Variants in PPP1R1C observed in about 807,000 individuals in gnomAD.
PPP1R1C encodes protein phosphatase 1 regulatory subunit 1C.
PPP1R1C carries 15 observed loss-of-function variants against 17.4 expected under a neutral mutation model. The ratio of observed to expected loss-of-function variants is 0.86; its 90% CI spans 0.58 to 1.33. The LOEUF is 1.33. Among genes scored for constraint, PPP1R1C ranks in the 40% most tolerant of loss-of-function variants. The pLI is 0.00. For missense variants in PPP1R1C, 143 were observed against 130.0 expected, an observed-to-expected ratio of 1.10 and a Z score of -0.48; for synonymous variants, 35 against 43.1, an observed-to-expected ratio of 0.81 and a Z score of 0.73.
At chr2:182,009,900 T>G (rs560606311) in intron 2 of PPP1R1C, among the ~76,000 whole-genome samples, 7 of 152,212 alleles carry the variant, frequency 4.6e-5, no homozygotes, top group African/African-American at 1.7e-4. Context: ...TTGTTATACG[T>G]TTTTTTCACT....
At chr2:182,023,366 G>T (rs922165636) in intron 2 of PPP1R1C, among the ~76,000 whole-genome samples, 1 of 152,072 alleles carries the variant, frequency 6.6e-6, no homozygotes, top group Non-Finnish European at 1.5e-5. Context: ...TGAAATTACT[G>T]ATCTGGATGA....
intron 2 of PPP1R1C, among the ~76,000 whole-genome samples, chr2:182,043,659 G>T (rs1451482471): frequency 6.6e-6 from 1 of 150,904 alleles, no homozygotes; most frequent in African/African-American, 2.4e-5. Context: ...GACGTAAGTT[G>T]TATAGGTTAC....
rs528873273 is a variant in PPP1R1C at position 182,117,437 on chromosome 2, T to A, written c.*142T>A. ...ACTCATACAGTAGCTATGCACATCCTGGAAGTCTCCTTGACTGAACTTTAG... is the reference window on the plus strand; with the variant it reads ...ACTCATACAGTAGCTATGCACATCCAGGAAGTCTCCTTGACTGAACTTTAG... On this transcript the variant is annotated 3_prime_UTR_variant, in exon 5 of 5. Transcript: ENST00000682840. 3.4e-5 allele frequency: 20 copies of A among 595,576 alleles called. No homozygotes were observed. The South Asian group carries it at 5.0e-4, about 15-fold the overall frequency. The allele number at this position is 595,576 out of a possible 1,614,324, so 36.9% of individuals were successfully genotyped here. A position where few individuals can be genotyped will look rare whatever the true frequency, so the allele number is the denominator to read the frequency against.
rs1284646189 is a variant in PPP1R1C at position 181,957,410 on chromosome 2, C to A, written n.111+2776C>A. On this transcript the variant is annotated intron_variant and non_coding_transcript_variant, in intron 1 of 5. Coordinates refer to the PPP1R1C transcript ENST00000464264. The surrounding 1 kb of genome is among the most constrained non-coding windows in gnomAD (Gnocchi z 4.2). ...TCTTATCAAGCAAGCCCTTGAAATT[C>A]CACTCAATTCATGAAGCCATCTCAG... Among the ~76,000 whole-genome samples the A allele has an allele frequency of 1.3e-5, 2 of 152,076 alleles. No homozygotes were observed. Among genetic ancestry groups the A allele is most frequent in the African/African-American group, 4.8e-5 (2 of 41,396 alleles).
intron 4 of PPP1R1C, among the ~76,000 whole-genome samples, chr2:182,107,615 A>T (rs1330964617): frequency 6.6e-6 from 1 of 152,044 alleles, no homozygotes; most frequent in Non-Finnish European, 1.5e-5. Context: ...CTTATTTTGA[A>T]CTCATGACTA....
chr2:182,012,478 T>A (rs1043280168), intron 2 of PPP1R1C, among the ~76,000 whole-genome samples: 1 of 152,076 alleles, frequency 6.6e-6, no homozygotes, highest in African/African-American at 2.4e-5. Context: ...TTGATCCCTT[T>A]ATGTTCAGTC....
chr2:181,979,863 T>A (rs1430842735), intron 2 of PPP1R1C, among the ~76,000 whole-genome samples: 1 of 152,210 alleles, frequency 6.6e-6, no homozygotes, highest in Non-Finnish European at 1.5e-5. Context: ...AAGCTGAATA[T>A]CTTTATTTTT....
chr2:182,072,426 C>T (rs1688166333), intron 4 of PPP1R1C, among the ~76,000 whole-genome samples: 1 of 152,218 alleles, frequency 6.6e-6, no homozygotes, highest in Non-Finnish European at 1.5e-5. Context: ...AGTGCTTCAA[C>T]ATATACAATG....
At chr2:181,978,444 C>T (rs1685136625) in intron 2 of PPP1R1C, among the ~76,000 whole-genome samples, 1 of 152,188 alleles carries the variant, frequency 6.6e-6, no homozygotes, top group Non-Finnish European at 1.5e-5. Context: ...CTGGAGATGA[C>T]TTGAATAGCT....
chr2:182,091,625 A>G (rs1041273746), intron 4 of PPP1R1C, among the ~76,000 whole-genome samples: 1 of 152,310 alleles, frequency 6.6e-6, no homozygotes, highest in Admixed American at 6.5e-5. Flanking sequence ...TAGAGAGGAT[A>G]CAAAGAAGTT....
intron 2 of PPP1R1C, among the ~76,000 whole-genome samples, chr2:182,018,477 C>A (rs1035452037): frequency 6.6e-6 from 1 of 152,138 alleles, no homozygotes; most frequent in Non-Finnish European, 1.5e-5. Context: ...ACATTCCAGG[C>A]ATAGCTTGTG....
At chr2:181,980,471 C>A (rs988590758) in intron 2 of PPP1R1C, among the ~76,000 whole-genome samples, 23 of 152,194 alleles carry the variant, frequency 1.5e-4, no homozygotes, top group Non-Finnish European at 2.9e-4. Flanking sequence ...ACTGTCCACA[C>A]TGGGCTGTGA....
At position 182,117,724 on chromosome 2, in the gene PPP1R1C, A is replaced by G. The variant is rs1306247577; in HGVS notation, c.*429A>G. ...GTGTGTGTGTGTGTGGGTTTAGCTT[A>G]AAGAGAAATATCTAATAAAGCTTTT... On this transcript the variant is annotated 3_prime_UTR_variant, in exon 5 of 5. Transcript: ENST00000682840. 1 of 153,618 alleles carries G rather than the reference A, an allele frequency of 6.5e-6. No homozygotes were observed. The highest frequency in any genetic ancestry group is 1.4e-5 in the Non-Finnish European group (1 of 69,174). 9.5% of individuals were successfully genotyped at this position (153,618 alleles called of 1,614,324 possible).
In PPP1R1C at chr2:182,025,030, C is replaced by T. The variant is rs373544055; in HGVS notation, c.143-36412C>T. 3.3e-4 allele frequency among the ~76,000 whole-genome samples: 49 copies of T among 149,684 alleles called. No individual in the cohort carries two copies. In the South Asian group the frequency reaches 9.1e-3, roughly 28 times the overall value. On this transcript the variant is annotated intron_variant, in intron 2 of 4. Coordinates refer to ENST00000682840, the MANE Select transcript of PPP1R1C (RefSeq NM_001080545.3). ...CTAAAAGCTATGACTTGACAACCAC[C>T]CAATCTCTGCACATAACAAAGTTGC... is the stretch of plus-strand genomic sequence containing the variant.
intron 1 of PPP1R1C, among the ~76,000 whole-genome samples, chr2:181,971,632 G>A (rs1685009942): frequency 6.6e-6 from 1 of 152,160 alleles, no homozygotes; most frequent in African/African-American, 2.4e-5. Context: ...CACAGCACCA[G>A]ACCTTGCCAA....
intron 2 of PPP1R1C, among the ~76,000 whole-genome samples, chr2:182,050,650 A>T (rs1490547476): frequency 2.6e-5 from 4 of 152,270 alleles, no homozygotes; most frequent in South Asian, 4.1e-4. Context: ...TTGCCTATTT[A>T]TTTGATTCTT....
chr2:182,088,961 T>C (rs182004095), intron 4 of PPP1R1C, among the ~76,000 whole-genome samples: 2 of 152,316 alleles, frequency 1.3e-5, no homozygotes, highest in Admixed American at 1.3e-4. Context: ...CTAGAAACTC[T>C]AGGCCTTTTA....
At chr2:182,115,864 A>G (rs1366130796) in intron 4 of PPP1R1C, among the ~76,000 whole-genome samples, 5 of 152,150 alleles carry the variant, frequency 3.3e-5, no homozygotes, top group Non-Finnish European at 7.3e-5. Context: ...TATAGCAAAC[A>G]TGAGGAATGA....
chr2:182,127,600 G>A (rs1251213462), intron 5 of PPP1R1C, among the ~76,000 whole-genome samples: 1 of 151,984 alleles, frequency 6.6e-6, no homozygotes, highest in Admixed American at 6.6e-5. Context: ...AAGAACAGTG[G>A]GAAGAAAAGG....
Sources: allele counts gnomAD v4.1 joint callset (sites outside exome capture counted in the v4.1 genomes callset), GRCh38; gene constraint gnomAD v4.1.1; non-coding constraint Gnocchi (gnomAD v3.1); transcripts MANE v1.5; gene names NCBI Gene and HGNC (gene_info 2026-07-23, HGNC 2026-07-21).